Variants in NUDT3 observed in about 807,000 individuals in gnomAD.
NUDT3 encodes the protein diphosphoinositol polyphosphate phosphohydrolase 1.
NUDT3 carries 9 observed loss-of-function variants against 23.6 expected under a neutral mutation model. The observed-to-expected ratio is 0.38, with a 90% CI of 0.23 to 0.66. NUDT3 has a LOEUF of 0.66. Among genes scored for constraint, NUDT3 ranks in the 30% least tolerant of loss-of-function variants. The pLI is 0.52. For missense variants in NUDT3, 172 were observed against 218.5 expected (o/e 0.79, Z 1.34); for synonymous variants, 86 against 82.6 (o/e 1.04, Z -0.22).
intron 1 of NUDT3, among the ~76,000 whole-genome samples, chr6:34,346,213 A>G (rs1464940477): frequency 6.6e-6 from 1 of 151,740 alleles, no homozygotes; most frequent in East Asian, 1.9e-4. Context: ...TACAAGGTTA[A>G]AAAAAAAGGC....
At chr6:34,314,209 G>A (rs1435390475) in intron 2 of NUDT3, among the ~76,000 whole-genome samples, 2 of 151,956 alleles carry the variant, frequency 1.3e-5, no homozygotes, top group African/African-American at 2.4e-5. Context: ...GATCACTTGA[G>A]GCCAGGAGTT....
intron 2 of NUDT3, among the ~76,000 whole-genome samples, chr6:34,323,279 CAAAG>C (rs1368305860): frequency 6.6e-6 from 1 of 151,782 alleles, no homozygotes; most frequent in Non-Finnish European, 1.5e-5. Flanking sequence ...TGGGCGGGCA[CAAAG>C]AAAGACGGGC....
rs112723844 is a variant in NUDT3 at position 34,389,963 on chromosome 6, C to CA, written c.99+2300dup. 7.7e-3 allele frequency among the ~76,000 whole-genome samples: 991 copies of CA among 128,204 alleles called. 10 individuals carry two copies. Among genetic ancestry groups the CA allele is most frequent in the African/African-American group, 0.023 (787 of 34,960 alleles). 84.1% of individuals were successfully genotyped at this position (128,204 alleles called of 152,430 possible). The stretch of plus-strand genomic sequence containing the variant: ...TGGGCGACAGAGCAAGACTCTGTCT[C>CA]AAAAAAAAAAAAAAATACAGAAAAC... On this transcript the variant is annotated intron_variant, in intron 1 of 4. Transcript: ENST00000607016.
intron 1 of NUDT3, among the ~76,000 whole-genome samples, chr6:34,386,387 G>A (rs1182490515): frequency 6.6e-6 from 1 of 152,138 alleles, no homozygotes; most frequent in Non-Finnish European, 1.5e-5. Context: ...TTTTCATCAT[G>A]CTGTTTGGTC....
intron 1 of NUDT3, among the ~76,000 whole-genome samples, chr6:34,353,438 GTA>G (rs1764509011): frequency 8.1e-6 from 1 of 123,668 alleles, no homozygotes; most frequent in African/African-American, 2.8e-5. Flanking sequence ...CAACTCCCAA[GTA>G]TTTTTTTTTT....
intron 2 of NUDT3, among the ~76,000 whole-genome samples, chr6:34,324,179 C>A (rs958987360): frequency 1.3e-5 from 2 of 152,062 alleles, no homozygotes; most frequent in Admixed American, 6.6e-5. Flanking sequence ...ACACGGGAAA[C>A]CCCGTCTCTA....
intron 2 of NUDT3, among the ~76,000 whole-genome samples, chr6:34,339,085 A>C (rs1764252078): frequency 6.6e-6 from 1 of 152,182 alleles, no homozygotes; most frequent in Admixed American, 6.5e-5. Flanking sequence ...CAGCCAAATC[A>C]GGAAGTTAAC....
At chr6:34,333,565 A>G (rs1376361167) in intron 2 of NUDT3, among the ~76,000 whole-genome samples, 1 of 152,218 alleles carries the variant, frequency 6.6e-6, no homozygotes, top group Non-Finnish European at 1.5e-5. Flanking sequence ...TACCTTGAGC[A>G]TATTAGGCTG....
intron 2 of NUDT3, among the ~76,000 whole-genome samples, chr6:34,300,773 TTC>T (rs2113700885): frequency 6.6e-6 from 1 of 152,356 alleles, no homozygotes; most frequent in East Asian, 1.9e-4. Context: ...TAGTCAGGTG[TTC>T]TGTTATTATT....
chr6:34,363,876 G>A (rs914048655), intron 1 of NUDT3, among the ~76,000 whole-genome samples: 4 of 151,740 alleles, frequency 2.6e-5, no homozygotes, highest in African/African-American at 4.8e-5. Flanking sequence ...AGGTTTAAGC[G>A]ATTCTCCTGC....
intron 2 of NUDT3, among the ~76,000 whole-genome samples, chr6:34,297,089 G>A (rs913308161): frequency 4.6e-5 from 7 of 151,510 alleles, no homozygotes; most frequent in African/African-American, 1.2e-4. Context: ...CCGCCACCAC[G>A]CCCGGCTAAT....
At chr6:34,313,840 G>C (rs949504944) in intron 2 of NUDT3, among the ~76,000 whole-genome samples, 7 of 152,032 alleles carry the variant, frequency 4.6e-5, no homozygotes, top group African/African-American at 1.7e-4. Context: ...GCTCACGCTT[G>C]TAATCCCAGC....
At chr6:34,364,065 G>A (rs974844903) in intron 1 of NUDT3, among the ~76,000 whole-genome samples, 3 of 152,186 alleles carry the variant, frequency 2.0e-5, no homozygotes, top group Non-Finnish European at 4.4e-5. Context: ...AAGCTCTCAA[G>A]TAAGACTAAA....
At chr6:34,385,029 C>CAA (rs55719137) in intron 1 of NUDT3, among the ~76,000 whole-genome samples, 26 of 110,810 alleles carry the variant, frequency 2.3e-4, no homozygotes, top group Admixed American at 6.8e-4. Flanking sequence ...ACCCTGCCTC[C>CAA]AAAAAAAAAA....
At chr6:34,315,029 C>T (rs1581860544) in intron 2 of NUDT3, among the ~76,000 whole-genome samples, 1 of 152,126 alleles carries the variant, frequency 6.6e-6, no homozygotes, top group Admixed American at 6.5e-5. Flanking sequence ...AATCAGGACA[C>T]CTTCTGCAGG....
rs915085220 is a variant in NUDT3, at chr6:34,283,151, A to G, written c.*5602T>C. The G allele has an allele frequency of 1.3e-5, 2 of 152,016 alleles. No individual in the cohort carries two copies. The highest frequency in any genetic ancestry group is 3.9e-4 in the East Asian group (2 of 5,178). The allele number at this position is 152,016 out of a possible 1,614,324, so 9.4% of individuals were successfully genotyped here. A position where few individuals can be genotyped will look rare whatever the true frequency, so the allele number is the denominator to read the frequency against. The stretch of plus-strand genomic sequence containing the variant: ...CCAAAATCATGTGACTGCTAGCCTC[A>G]GCTCAAGTAGTGTGCCCAAATCATC... On this transcript the variant is annotated 3_prime_UTR_variant, in exon 5 of 5. Transcript: ENST00000607016.
intron 2 of NUDT3, among the ~76,000 whole-genome samples, chr6:34,332,049 T>A (rs950533504): frequency 1.3e-4 from 20 of 152,158 alleles, no homozygotes; most frequent in East Asian, 7.7e-4. Flanking sequence ...TAATTTTTTT[T>A]AAAATTTTTT....
rs149565922 is a variant in NUDT3, at chr6:34,384,427, G to A, written c.99+7837C>T. ...TTTCTCCCTGGGTAAAAACAGACCC[G>A]TTAGGAGCAGCTTTAACTTTCCTAG... is the stretch of plus-strand genomic sequence containing the variant. On this transcript the variant is annotated intron_variant, in intron 1 of 4. Transcript: ENST00000607016. Among the ~76,000 whole-genome samples the A allele has an allele frequency of 3.0e-3, 457 of 152,198 alleles. 2 individuals are homozygous for A. The highest frequency in any genetic ancestry group is 0.01 in the African/African-American group (430 of 41,532).
chr6:34,323,751 G>C (rs1763981358), intron 2 of NUDT3, among the ~76,000 whole-genome samples: 1 of 152,162 alleles, frequency 6.6e-6, no homozygotes, highest in African/African-American at 2.4e-5. Context: ...GAAAGATAAA[G>C]CGAGTACGCA....
Sources: gnomAD v4.1 joint callset for allele counts (sites outside exome capture counted in the v4.1 genomes callset) on GRCh38, gnomAD v4.1.1 for gene constraint, MANE v1.5 for transcripts, NCBI Gene and HGNC (gene_info 2026-07-23, HGNC 2026-07-21) for gene names.